Variants in POLE observed in about 807,000 individuals in gnomAD.
The protein encoded by POLE is DNA polymerase epsilon catalytic subunit A.
A neutral mutation model predicts 279.2 loss-of-function variants in POLE; 188 were observed. That is an observed-to-expected ratio of 0.67 (90% CI 0.60 to 0.76). The LOEUF (loss-of-function observed/expected upper bound fraction) is 0.76. Ranked by LOEUF, POLE falls within the 30% of genes least tolerant of loss-of-function variation. The probability of loss-of-function intolerance (pLI) is 0.00; values close to 1 mark genes in which losing one functional copy is unlikely to be tolerated. For missense variants in POLE, 2,703 were observed against 3,016.7 expected, an observed-to-expected ratio of 0.90 and a Z score of 2.44; for synonymous variants, 1,214 against 1,172.5, an observed-to-expected ratio of 1.04 and a Z score of -0.72.
rs1200122093 is a variant in POLE, at chr12:132,673,711, G to A, written c.1227-4C>T. 1.2e-6 allele frequency: 2 copies of A among 1,613,352 alleles called. No individual in the cohort carries two copies. Among genetic ancestry groups the A allele is most frequent in the Non-Finnish European group, 1.7e-6 (2 of 1,179,982 alleles). On this transcript the variant is annotated splice_polypyrimidine_tract_variant and splice_region_variant and intron_variant, in intron 12 of 48. Coordinates refer to ENST00000320574, the MANE Select transcript of POLE (RefSeq NM_006231.4). The stretch of plus-strand genomic sequence containing the variant: ...GTAACTGTCCCTCTTCACCCACCTG[G>A]AAGGAGAATGAGAACAGAAGCCAGG...
At position 132,642,679 on chromosome 12, in the gene POLE, C is replaced by T. The variant is rs542995085; in HGVS notation, c.4779G>A (p.Leu1593=). 6.2e-7 allele frequency: 1 copy of T among 1,613,892 alleles called. No homozygotes were observed. The highest frequency in any genetic ancestry group is 1.1e-5 in the South Asian group (1 of 91,088). ...TLIAVQSSWE[L]KRLASEIPVL... ...CAGGAATTTCACTGGCCAGCCTCTTCAGCTCCCAGCTGGACTGAACAGCGA... is the reference window on the plus strand; with the variant it reads ...CAGGAATTTCACTGGCCAGCCTCTTTAGCTCCCAGCTGGACTGAACAGCGA... Residue 1593 remains leucine, a synonymous_variant, in exon 37 of 49, where the codon CTG becomes CTA. Transcript: ENST00000320574.
At chr12:132,641,911 C>A in intron 38 of POLE, 60 bp from the exon 39 acceptor site, 1 of 1,520,028 alleles carries the variant, frequency 6.6e-7, no homozygotes, top group East Asian at 2.3e-5. Context: ...CACCAGCCCC[C>A]TGGGCCTGAC....
intron 15 of POLE, 95 bp from the exon 16 acceptor site, chr12:132,672,417 C>T: frequency 8.4e-7 from 1 of 1,184,506 alleles, no homozygotes; most frequent in Non-Finnish European, 1.3e-6. Context: ...GCAGGTTGTG[C>T]CCGAGAAAGC....
Position 132,642,709 on chromosome 12 carries a change from T to A in POLE, c.4749A>T (p.Thr1583=). 1 of 1,613,482 alleles carries A rather than the reference T, an allele frequency of 6.2e-7. No homozygotes were observed. Among genetic ancestry groups the A allele is most frequent in the Non-Finnish European group, 8.5e-7 (1 of 1,179,756 alleles). Residue 1583 remains threonine, a synonymous_variant, in exon 37 of 49, where the codon ACA becomes ACT. Transcript: ENST00000320574. ...LAYKEERRGP[T]LIAVQSSWEL... ...CCCAGCTGGACTGAACAGCGATGAG[T>A]GTGGGCCCCCGGCGCTCCTCCTGGG... is the stretch of plus-strand genomic sequence containing the variant.
intron 45 of POLE, among the ~76,000 whole-genome samples, chr12:132,627,711 G>A (rs1182444536): frequency 1.3e-5 from 2 of 152,156 alleles, no homozygotes; most frequent in East Asian, 1.9e-4. Context: ...AAATATTAAC[G>A]ATCATCTGAG....
chr12:132,638,237 G>C (rs1030310872), intron 40 of POLE, 98 bp from the exon 41 acceptor site: 2 of 1,163,650 alleles, frequency 1.7e-6, no homozygotes, highest in Non-Finnish European at 2.4e-6. Flanking sequence ...TGAGGGTCCT[G>C]AAGCAGAAAA....
At chr12:132,672,861 C>T in intron 14 of POLE, 22 bp from the exon 15 acceptor site, 1 of 1,605,746 alleles carries the variant, frequency 6.2e-7, no homozygotes, top group South Asian at 1.1e-5. Context: ...ACCAAGGCTT[C>T]CAGCCAAAAG....
At chr12:132,656,299 T>C (rs2042536862) in intron 29 of POLE, among the ~76,000 whole-genome samples, 1 of 151,850 alleles carries the variant, frequency 6.6e-6, no homozygotes, top group African/African-American at 2.4e-5. Context: ...GGGGAAAGAA[T>C]ACATATATAA....
In POLE at chr12:132,668,988, G is replaced by C. The variant is rs369561402; in HGVS notation, c.1795-49C>G. ...AGAGGCTGGTGACCAAGCTTGCCTC[G>C]TGTGCAGTTCACCAACCCCTTTTAG... On this transcript the variant is annotated intron_variant, in intron 16 of 48. Coordinates refer to ENST00000320574, the MANE Select transcript of POLE (RefSeq NM_006231.4). The surrounding 1 kb of genome is among the most constrained non-coding windows in gnomAD (Gnocchi z 4.0). 1.4e-4 allele frequency: 228 copies of C among 1,585,690 alleles called. No individual in the cohort carries two copies. The highest frequency in any genetic ancestry group is 1.9e-4 in the Non-Finnish European group (222 of 1,160,494).
Position 132,639,038 on chromosome 12 carries a change from C to T in POLE, c.5552+87G>A, listed in dbSNP as rs1388635050. 13 of 1,142,040 alleles carry T rather than the reference C, an allele frequency of 1.1e-5. No individual in the cohort carries two copies. The highest frequency in any genetic ancestry group is 3.6e-5 in the Admixed American group (2 of 55,904). The allele number at this position is 1,142,040 out of a possible 1,614,324, so 70.7% of individuals were successfully genotyped here. A position where few individuals can be genotyped will look rare whatever the true frequency, so the allele number is the denominator to read the frequency against. On this transcript the variant is annotated intron_variant, in intron 40 of 48. Coordinates refer to ENST00000320574, the MANE Select transcript of POLE (RefSeq NM_006231.4). This position sits in a 1 kb window ranked among gnomAD's most constrained non-coding sequence, Gnocchi z 4.7. The stretch of plus-strand genomic sequence containing the variant: ...AAATACACTACTTATCCCAGAGGCA[C>T]TGGCTGGCCATGTCTCTGGTTCTGG...
intron 1 of POLE, among the ~76,000 whole-genome samples, chr12:132,686,086 A>T (rs1310447983): frequency 2.0e-5 from 3 of 152,070 alleles, no homozygotes; most frequent in Non-Finnish European, 4.4e-5. Context: ...CATGTTGGTC[A>T]GGCTGGTCTC....
chr12:132,633,195 T>G (rs1193102116), intron 43 of POLE: 1 of 170,166 alleles, frequency 5.9e-6, no homozygotes, highest in East Asian at 1.8e-4. Context: ...CACAGTTTCA[T>G]TCTTGTTGCC....
chr12:132,676,718 A>AC, intron 8 of POLE, 65 bp from the exon 9 acceptor site: 1 of 958,392 alleles, frequency 1.0e-6, no homozygotes, highest in Admixed American at 1.9e-5. Flanking sequence ...CTGAACACCC[A>AC]CCCCCAGCCT....
At chr12:132,637,126 G>A (rs1349541660) in intron 41 of POLE, among the ~76,000 whole-genome samples, 2 of 152,222 alleles carry the variant, frequency 1.3e-5, no homozygotes, top group Non-Finnish European at 2.9e-5. Context: ...ATAGACATAA[G>A]GGGCCACAGT....
intron 41 of POLE, among the ~76,000 whole-genome samples, chr12:132,637,727 T>C (rs572717778): frequency 6.6e-6 from 1 of 152,242 alleles, no homozygotes; most frequent in African/African-American, 2.4e-5. Flanking sequence ...TGAATATCCA[T>C]GGGGAAAAAA....
chr12:132,646,022 G>C (rs1407005789), intron 32 of POLE, among the ~76,000 whole-genome samples: 2 of 152,154 alleles, frequency 1.3e-5, no homozygotes, highest in African/African-American at 4.8e-5. Context: ...TCCACGTCTG[G>C]AAGTTCAAGG....
At position 132,675,800 on chromosome 12, in the gene POLE, C is replaced by T. The variant is rs1048183984; in HGVS notation, c.1041G>A (p.Trp347Ter). The change falls in exon 11 of 49, where the codon TGG (tryptophan) becomes TGA (stop). Residue 347 changes from tryptophan (W) to a stop codon, truncating the protein, a stop_gained. Transcript: ENST00000320574. LOFTEE classifies it high-confidence loss of function. This position sits in a 1 kb window ranked among gnomAD's most constrained non-coding sequence, Gnocchi z 4.3. ...EPDEAHLIQR[W>*]FEHVQETKPT... ...GTTTGGTCTCCTGGACGTGTTCAAA[C>T]CACCTTTGGATCAGATGAGCCTGAA... 1 of 1,614,140 alleles carries T rather than the reference C, an allele frequency of 6.2e-7. No individual in the cohort carries two copies. The highest frequency in any genetic ancestry group is 1.1e-5 in the South Asian group (1 of 91,090).
chr12:132,636,387 CG>C (rs1174049678), intron 41 of POLE, among the ~76,000 whole-genome samples: 1 of 146,646 alleles, frequency 6.8e-6, no homozygotes, highest in Non-Finnish European at 1.5e-5. Flanking sequence ...TGTCACTCCT[CG>C]GTTAAGCCTC....
intron 8 of POLE, 107 bp downstream of exon 8, chr12:132,677,256 A>G: frequency 1.2e-6 from 1 of 813,550 alleles, no homozygotes; most frequent in Non-Finnish European, 2.1e-6. Context: ...TATTTGGGGG[A>G]AAAGCAGCAA....
Sources: gnomAD v4.1 joint callset for allele counts (sites outside exome capture counted in the v4.1 genomes callset) on GRCh38, gnomAD v4.1.1 for gene constraint, Gnocchi (gnomAD v3.1) non-coding constraint, MANE v1.5 for transcripts, NCBI Gene and HGNC (gene_info 2026-07-23, HGNC 2026-07-21) for gene names.